Variants in CEMIP2 observed in about 807,000 individuals in gnomAD.
The protein encoded by CEMIP2 is cell surface hyaluronidase CEMIP2.
Under a neutral mutation model 146.9 loss-of-function variants are expected in CEMIP2, and 79 were observed. The ratio of observed to expected loss-of-function variants is 0.54; its 90% confidence interval spans 0.45 to 0.65. The LOEUF (loss-of-function observed/expected upper bound fraction) is 0.65, where lower values mean the gene tolerates loss of function less well. Ranked by LOEUF, CEMIP2 falls within the 30% of genes least tolerant of loss-of-function variation. The probability of loss-of-function intolerance (pLI) is 0.00; values close to 1 mark genes in which losing one functional copy is unlikely to be tolerated. For synonymous variants in CEMIP2, 601 were observed against 606.3 expected (o/e 0.99, Z 0.13); for missense variants, 1,596 against 1,696.2 (o/e 0.94, Z 1.04).
rs759356416 is a variant in CEMIP2, at chr9:71,714,948, T to C, written c.2577A>G (p.Thr859=). The change falls in exon 15 of 24, where the codon ACA becomes ACG. Residue 859 remains threonine (T), a synonymous_variant. Transcript: ENST00000377044. The part of the protein sequence containing the change: ...GTGGIDQKPR[T]LPRNRTFPIR... ...GCAATGCTTACCTGTTCCTGGGTAA[T>C]GTTCGAGGCTTCTGGTCTATTCCTC... 3.1e-6 allele frequency: 5 copies of C among 1,613,428 alleles called. No homozygotes were observed. The Admixed American group carries it at 5.0e-5, about 16-fold the overall frequency.
intron 12 of CEMIP2, among the ~76,000 whole-genome samples, chr9:71,721,426 G>A (rs189085652): frequency 8.8e-4 from 133 of 151,868 alleles, no homozygotes; most frequent in African/African-American, 3.0e-3. Flanking sequence ...TTTTTAAAAC[G>A]CCCACAGTTT....
intron 1 of CEMIP2, among the ~76,000 whole-genome samples, chr9:71,753,048 T>C (rs1024556423): frequency 1.3e-5 from 2 of 151,976 alleles, no homozygotes; most frequent in Admixed American, 6.6e-5. Flanking sequence ...ACAAAAATAA[T>C]GGAGACATTC....
In CEMIP2 at chr9:71,718,622, G is replaced by C. The variant is rs534064947; in HGVS notation, c.2268-543C>G. On this transcript the variant is annotated intron_variant, in intron 12 of 23. Coordinates refer to ENST00000377044, the MANE Select transcript of CEMIP2 (RefSeq NM_013390.3). ...GACAGAGTCTCACTCTGTCACCCAG[G>C]CTGGAGTGCAGTGGCGCAATCTTGG... 2.6e-5 allele frequency among the ~76,000 whole-genome samples: 4 copies of C among 151,260 alleles called. No individual in the cohort carries two copies. The South Asian group carries it at 6.3e-4, about 24-fold the overall frequency.
chr9:71,712,343 A>G, intron 15 of CEMIP2, 83 bp from the exon 16 acceptor site: 1 of 1,404,664 alleles, frequency 7.1e-7, no homozygotes, highest in Non-Finnish European at 9.8e-7. Context: ...GAAGACAGCT[A>G]AATATCCGGT....
intron 10 of CEMIP2, among the ~76,000 whole-genome samples, chr9:71,726,827 A>G (rs996411368): frequency 6.6e-6 from 1 of 152,186 alleles, no homozygotes; most frequent in Admixed American, 6.5e-5. Flanking sequence ...TTGACGGGAT[A>G]AGACCTGGAG....
At chr9:71,734,528 CT>C (rs1450508910) in intron 6 of CEMIP2, among the ~76,000 whole-genome samples, 1 of 152,108 alleles carries the variant, frequency 6.6e-6, no homozygotes, top group Non-Finnish European at 1.5e-5. Context: ...TAGAAAAGAC[CT>C]TGGAAAATCA....
chr9:71,754,899 T>TTA (rs1554689073), intron 1 of CEMIP2, among the ~76,000 whole-genome samples: 2 of 150,864 alleles, frequency 1.3e-5, no homozygotes, highest in African/African-American at 4.9e-5. Flanking sequence ...CAAATGCTGT[T>TTA]AAAAAAAAAT....
chr9:71,760,926 T>C (rs149835143), intron 1 of CEMIP2, among the ~76,000 whole-genome samples: 2 of 152,352 alleles, frequency 1.3e-5, no homozygotes, highest in East Asian at 3.9e-4. Flanking sequence ...CTCATATTTC[T>C]TTTTCTCCTT....
In CEMIP2 at chr9:71,750,154, G is replaced by C. The variant is rs779076128; in HGVS notation, c.220C>G (p.Gln74Glu). Residue 74 changes from glutamine to glutamate, a missense_variant, in exon 2 of 24, where the codon CAA becomes GAA. Coordinates refer to ENST00000377044, the MANE Select transcript of CEMIP2 (RefSeq NM_013390.3). ...PEEQQAQRES[Q>E]KQKRHKNTFI... ...GTATTTTTGTGTCTCTTTTGCTTTT[G>C]ACTTTCTCTCTGGGCTTGCTGTTCT... 13 of 1,613,936 alleles carry C rather than the reference G, an allele frequency of 8.1e-6. No individual in the cohort carries two copies. In the East Asian group the frequency reaches 2.7e-4, roughly 33 times the overall value.
chr9:71,727,558 A>G (rs959455187), intron 10 of CEMIP2, among the ~76,000 whole-genome samples: 1 of 152,220 alleles, frequency 6.6e-6, no homozygotes, highest in Non-Finnish European at 1.5e-5. Flanking sequence ...TCACCCACTG[A>G]TGCCTTTTTT....
chr9:71,704,935 C>A lies in CEMIP2; in HGVS notation c.2986-132G>T. ...TGTGATCTGTGCCAGACTAAGTGAG[C>A]AGCAGCCAACTACATCCTCAGCCAC... On this transcript the variant is annotated intron_variant, in intron 17 of 23. Coordinates refer to ENST00000377044, the MANE Select transcript of CEMIP2 (RefSeq NM_013390.3). 3.9e-6 allele frequency: 3 copies of A among 770,174 alleles called. No homozygotes were observed. The South Asian group carries it at 5.4e-5, about 14-fold the overall frequency. The allele number at this position is 770,174 out of a possible 1,614,324, so 47.7% of individuals were successfully genotyped here.
At position 71,698,174 on chromosome 9, in the gene CEMIP2, G is replaced by A; in HGVS notation, c.3408C>T (p.Ser1136=). ...GLLFLYLKAK[S]HRHGHSYCSS... is the part of the protein sequence containing the mutation. Reference sequence around the variant, plus strand: ...AACAGTAACTGTGGCCATGCCTGTGGCTTTTGGCTTTGAGATACAAAAACA... The same window carrying A: ...AACAGTAACTGTGGCCATGCCTGTGACTTTTGGCTTTGAGATACAAAAACA... Residue 1136 remains serine (S), a synonymous_variant, in exon 20 of 24, where the codon AGC becomes AGT. Coordinates refer to ENST00000377044, the MANE Select transcript of CEMIP2 (RefSeq NM_013390.3). 1 of 1,614,138 alleles carries A rather than the reference G, an allele frequency of 6.2e-7. No homozygotes were observed. Among genetic ancestry groups the A allele is most frequent in the Non-Finnish European group, 8.5e-7 (1 of 1,180,036 alleles).
chr9:71,691,374 T>C (rs1382299306), intron 21 of CEMIP2, among the ~76,000 whole-genome samples: 1 of 144,564 alleles, frequency 6.9e-6, no homozygotes, highest in Non-Finnish European at 1.5e-5. Flanking sequence ...GCGGAGATGG[T>C]GCCACTGCAT....
At chr9:71,693,919 A>G (rs1822306413) in intron 21 of CEMIP2, among the ~76,000 whole-genome samples, 1 of 152,270 alleles carries the variant, frequency 6.6e-6, no homozygotes, top group Admixed American at 6.5e-5. Flanking sequence ...ACCCCCATGA[A>G]TGGGATCAGT....
At chr9:71,713,497 G>A (rs1006204581) in intron 15 of CEMIP2, among the ~76,000 whole-genome samples, 6 of 152,100 alleles carry the variant, frequency 3.9e-5, no homozygotes, top group Non-Finnish European at 7.4e-5. Context: ...ACTAATACAA[G>A]TTGTAAAGAT....
chr9:71,694,438 T>G (rs1822333132), intron 21 of CEMIP2, 71 bp downstream of exon 21: 3 of 1,280,888 alleles, frequency 2.3e-6, no homozygotes, highest in Admixed American at 1.8e-5. Context: ...CTGTTGTTTA[T>G]AAGCTACCTA....
At chr9:71,696,147 A>G (rs1234943132) in intron 20 of CEMIP2, among the ~76,000 whole-genome samples, 59 of 152,316 alleles carry the variant, frequency 3.9e-4, no homozygotes. Context: ...TAGGCCTAGA[A>G]TATTTCCAAT....
rs1563987783 is a variant in CEMIP2, at chr9:71,683,546, AC to A, written c.*1650del. The A allele has an allele frequency of 7.7e-3, 224 of 28,938 alleles. 3 individuals are homozygous for A. The East Asian group carries it at 0.08, about 10-fold the overall frequency. 1.8% of individuals were successfully genotyped at this position (28,938 alleles called of 1,614,324 possible). A position where few individuals can be genotyped will look rare whatever the true frequency, so the allele number is the denominator to read the frequency against. ...CACACACACACACACACACACACAC[AC>A]ACACTCTAATGACCTTCAGGAACCA... On this transcript the variant is annotated 3_prime_UTR_variant, in exon 24 of 24. Coordinates refer to ENST00000377044, the MANE Select transcript of CEMIP2 (RefSeq NM_013390.3).
intron 5 of CEMIP2, among the ~76,000 whole-genome samples, chr9:71,739,209 GT>G (rs147069759): frequency 0.071 from 10,675 of 151,258 alleles, 538 homozygotes; most frequent in South Asian, 0.19. Context: ...CAAAGGAAAC[GT>G]TGACTAGAAG....
Sources: allele counts gnomAD v4.1 joint callset (sites outside exome capture counted in the v4.1 genomes callset), GRCh38; gene constraint gnomAD v4.1.1; transcripts MANE v1.5; gene names NCBI Gene and HGNC (gene_info 2026-07-23, HGNC 2026-07-21).